The following AUTS2 variants were observed in gnomAD, a reference collection of about 807,000 sequenced individuals.
AUTS2 encodes activator of transcription and developmental regulator AUTS2, also known as autism susceptibility gene 2 protein.
AUTS2 carries 17 observed loss-of-function variants against 112.4 expected under a neutral mutation model. The observed-to-expected ratio is 0.15, with a 90% CI of 0.10 to 0.23. The LOEUF (loss-of-function observed/expected upper bound fraction) is 0.23. Among genes scored for constraint, AUTS2 ranks in the 10% least tolerant of loss-of-function variants. The pLI is 1.00. For synonymous variants in AUTS2, 751 were observed against 702.7 expected, an observed-to-expected ratio of 1.07 and a Z score of -1.09; for missense variants, 1,510 against 1,701.6, an observed-to-expected ratio of 0.89 and a Z score of 1.98.
chr7:70,762,540 T>C (rs1052526158), intron 6 of AUTS2, among the ~76,000 whole-genome samples: 3 of 152,076 alleles, frequency 2.0e-5, no homozygotes, highest in African/African-American at 7.2e-5. Context: ...AGTGTTGAGA[T>C]TACAGGTGTG....
chr7:69,868,093 T>G (rs1298234435), intron 1 of AUTS2, among the ~76,000 whole-genome samples: 1 of 152,136 alleles, frequency 6.6e-6, no homozygotes. Flanking sequence ...AAGTTTATTG[T>G]GTGTTAAATA....
intron 2 of AUTS2, 97 bp downstream of exon 2, chr7:69,899,595 C>T: frequency 8.6e-7 from 1 of 1,162,056 alleles, no homozygotes; most frequent in Non-Finnish European, 1.2e-6. Context: ...GAGAAGATAT[C>T]CTTGGTGGGA....
chr7:70,233,430 GTCGAGAT>G (rs1812161792), intron 4 of AUTS2, among the ~76,000 whole-genome samples: 1 of 151,948 alleles, frequency 6.6e-6, no homozygotes, highest in Non-Finnish European at 1.5e-5. Context: ...TTCAAACATT[GTCGAGAT>G]TTCTGATGGA....
intron 5 of AUTS2, among the ~76,000 whole-genome samples, chr7:70,477,761 G>C (rs899352229): frequency 1.1e-4 from 16 of 152,176 alleles, no homozygotes; most frequent in African/African-American, 3.9e-4. Context: ...CAAATGATGT[G>C]ATTAAAAGGC....
rs545283526 is a variant in AUTS2, at chr7:69,998,445, A to G, written c.522+98947A>G. ...ACCTGTGTGGGAAAGCTGCCCTGCAATATGGGCCCAAAAATTTTCCTTGGT... is the reference window on the plus strand; with the variant it reads ...ACCTGTGTGGGAAAGCTGCCCTGCAGTATGGGCCCAAAAATTTTCCTTGGT... On this transcript the variant is annotated intron_variant, in intron 2 of 18. Coordinates refer to ENST00000342771, the MANE Select transcript of AUTS2 (RefSeq NM_015570.4). 9.8e-5 allele frequency among the ~76,000 whole-genome samples: 15 copies of G among 152,332 alleles called. No individual in the cohort carries two copies. The South Asian group carries it at 2.5e-3, about 25-fold the overall frequency.
intron 5 of AUTS2, among the ~76,000 whole-genome samples, chr7:70,504,026 A>G (rs902849669): frequency 5.6e-5 from 8 of 142,664 alleles, no homozygotes; most frequent in Admixed American, 2.1e-4. Context: ...GAATTTTTGA[A>G]TATGAGAATT....
intron 2 of AUTS2, among the ~76,000 whole-genome samples, chr7:70,000,617 TC>T (rs1220956693): frequency 2.6e-5 from 4 of 152,190 alleles, no homozygotes; most frequent in Non-Finnish European, 2.9e-5. Flanking sequence ...ATAATTCAAT[TC>T]TGTATTCTCC....
At chr7:70,135,521 C>T (rs546735837) in intron 4 of AUTS2, among the ~76,000 whole-genome samples, 145 of 152,214 alleles carry the variant, frequency 9.5e-4, no homozygotes, top group Non-Finnish European at 1.8e-3. Context: ...CTCTCCAATG[C>T]TAATTACTCT....
intron 2 of AUTS2, among the ~76,000 whole-genome samples, chr7:70,082,725 T>A (rs540673709): frequency 1.2e-3 from 177 of 152,322 alleles, no homozygotes; most frequent in African/African-American, 4.1e-3. Flanking sequence ...TAAAGCATTT[T>A]CTATGTAAGG....
At chr7:70,243,086 A>G (rs757564098) in intron 4 of AUTS2, among the ~76,000 whole-genome samples, 8 of 152,158 alleles carry the variant, frequency 5.3e-5, no homozygotes, top group Non-Finnish European at 7.3e-5. Flanking sequence ...CTTTGCATAA[A>G]TTAAAACGAG....
chr7:70,376,019 TAAAA>T (rs536175849), intron 4 of AUTS2, among the ~76,000 whole-genome samples: 1 of 141,514 alleles, frequency 7.1e-6, no homozygotes. Context: ...TTTTTGTCGT[TAAAA>T]AAAAAAAAAA....
At chr7:70,315,827 G>C (rs1789968522) in intron 4 of AUTS2, among the ~76,000 whole-genome samples, 1 of 152,082 alleles carries the variant, frequency 6.6e-6, no homozygotes, top group Admixed American at 6.5e-5. Flanking sequence ...CTTGGCTAAG[G>C]CTTCTCCTAC....
At chr7:70,188,084 C>T (rs1055595634) in intron 4 of AUTS2, among the ~76,000 whole-genome samples, 4 of 152,080 alleles carry the variant, frequency 2.6e-5, no homozygotes, top group Non-Finnish European at 5.9e-5. Context: ...CTTCCTTGTC[C>T]CATCACATTC....
At chr7:70,011,938 G>T (rs771804010) in intron 2 of AUTS2, among the ~76,000 whole-genome samples, 4 of 152,132 alleles carry the variant, frequency 2.6e-5, no homozygotes, top group Admixed American at 2.6e-4. Context: ...ACAGTGGAGA[G>T]GAGGGAGTAT....
chr7:70,463,600 C>T (rs1272050446), intron 5 of AUTS2, among the ~76,000 whole-genome samples: 1 of 152,194 alleles, frequency 6.6e-6, no homozygotes, highest in African/African-American at 2.4e-5. Context: ...TGACAAGAAC[C>T]GCACTTGTCA....
At chr7:69,631,038 G>A (rs1412128994) in intron 1 of AUTS2, among the ~76,000 whole-genome samples, 2 of 152,054 alleles carry the variant, frequency 1.3e-5, no homozygotes, top group East Asian at 3.9e-4. Flanking sequence ...TAAGAACTAG[G>A]CGTAGAAACA....
At chr7:69,975,218 A>G (rs537756863) in intron 2 of AUTS2, among the ~76,000 whole-genome samples, 77 of 152,042 alleles carry the variant, frequency 5.1e-4, no homozygotes, top group African/African-American at 1.7e-3. Flanking sequence ...AGGGTTTCTC[A>G]TGAGACATCC....
intron 1 of AUTS2, among the ~76,000 whole-genome samples, chr7:69,619,066 G>A (rs1170711517): frequency 6.6e-6 from 1 of 152,128 alleles, no homozygotes; most frequent in Non-Finnish European, 1.5e-5. Flanking sequence ...TCTTCACTGG[G>A]TTCTCAGATG....
intron 4 of AUTS2, among the ~76,000 whole-genome samples, chr7:70,408,924 T>C (rs1794658355): frequency 6.6e-6 from 1 of 152,226 alleles, no homozygotes; most frequent in Non-Finnish European, 1.5e-5. Context: ...CTAAAGAGAA[T>C]TATCTACTGT....
Sources: gnomAD v4.1 joint callset for allele counts (sites outside exome capture counted in the v4.1 genomes callset) on GRCh38, gnomAD v4.1.1 for gene constraint, MANE v1.5 for transcripts, NCBI Gene and HGNC (gene_info 2026-07-23, HGNC 2026-07-21) for gene names.